The following UGGT2 variants were observed in gnomAD, a reference collection of about 807,000 sequenced individuals.
UGGT2 encodes the protein UDP-glucose:glycoprotein glucosyltransferase 2.
In UGGT2, 180 loss-of-function variants were observed where a neutral mutation model predicts 192.1. The observed-to-expected ratio is 0.94, with a 90% CI of 0.83 to 1.06. The LOEUF (loss-of-function observed/expected upper bound fraction) is 1.06, where lower values mean the gene tolerates loss of function less well. UGGT2 is among the 50% of genes least tolerant of loss of function. The probability of loss-of-function intolerance (pLI) is 0.00; values close to 1 mark genes in which losing one functional copy is unlikely to be tolerated. For missense variants in UGGT2, 1,849 were observed against 1,795.7 expected, an observed-to-expected ratio of 1.03 and a Z score of -0.54; for synonymous variants, 580 against 591.0, an observed-to-expected ratio of 0.98 and a Z score of 0.27.
chr13:95,949,401 G>A lies in UGGT2; in HGVS notation c.1389C>T (p.Cys463=). ...GAAATACTGGCTTCAGAAGTTTCTG[G>A]CAACTTGTAGGCCATGTAATATACA... ...DDLYITWPTS[C]QKLLKPVFPG... Residue 463 remains cysteine (C), a synonymous_variant, in exon 13 of 39, where the codon TGC becomes TGT. Transcript: ENST00000376747. 1.3e-6 allele frequency: 2 copies of A among 1,584,580 alleles called. No individual in the cohort carries two copies. Among genetic ancestry groups the A allele is most frequent in the Middle Eastern group, 2.0e-4 (1 of 5,076 alleles).
Position 95,803,955 on chromosome 13 carries a change from C to G in UGGT2, c.4529-2143G>C, listed in dbSNP as rs559183330. 3.3e-5 allele frequency among the ~76,000 whole-genome samples: 5 copies of G among 152,156 alleles called. No homozygotes were observed. In the South Asian group the frequency reaches 1.0e-3, roughly 32 times the overall value. On this transcript the variant is annotated intron_variant, in intron 38 of 38. Transcript: ENST00000376747. ...AAAGCAATATTCAAAACAGTTCTAA[C>G]TGGTATTTCAGGGGATATTAGAAAA...
At chr13:95,833,504 G>A (rs936653549) in intron 37 of UGGT2, among the ~76,000 whole-genome samples, 1 of 152,096 alleles carries the variant, frequency 6.6e-6, no homozygotes, top group Non-Finnish European at 1.5e-5. Flanking sequence ...TGTGTGTAGG[G>A]TGTGTAGCTT....
Position 95,875,501 on chromosome 13 carries a change from G to A in UGGT2, c.3473+1778C>T, listed in dbSNP as rs142642340. Among the ~76,000 whole-genome samples, 555 of 152,238 alleles carry A rather than the reference G, an allele frequency of 3.6e-3. 1 individual carries two copies. The highest frequency in any genetic ancestry group is 0.017 in the Middle Eastern group (5 of 294). On this transcript the variant is annotated intron_variant, in intron 29 of 38. Transcript: ENST00000376747. The stretch of plus-strand genomic sequence containing the variant: ...TTTCTCAGATCCTGCTGGGATATAC[G>A]TCATAATATATGATATGTGTACTGT...
rs774100708 is a variant in UGGT2 at position 95,854,419 on chromosome 13, A to G, written c.4065T>C (p.Tyr1355=). 3.6e-5 allele frequency: 58 copies of G among 1,613,506 alleles called. No individual in the cohort carries two copies. The highest frequency in any genetic ancestry group is 5.3e-5 in the African/African-American group (4 of 74,906). ...LRDFDLDGAP[Y]GYTPFCDSRR... ...GGCTATCACAAAATGGAGTATACCC[A>G]TAAGGAGCTCCATCCAGATCGAAAT... Residue 1355 remains tyrosine (Y), a synonymous_variant, in exon 35 of 39, where the codon TAT becomes TAC. Coordinates refer to ENST00000376747, the MANE Select transcript of UGGT2 (RefSeq NM_020121.4).
At position 95,860,707 on chromosome 13, in the gene UGGT2, G is replaced by T. The variant is rs1229332580; in HGVS notation, c.3740+81C>A. Reference sequence around the variant, plus strand: ...AGGTGGGAGTTTTTTTTTTCCCAGTGTATATTCCTTTATTTTTTTTTGAAA... The same window carrying T: ...AGGTGGGAGTTTTTTTTTTCCCAGTTTATATTCCTTTATTTTTTTTTGAAA... On this transcript the variant is annotated intron_variant, in intron 32 of 38. Coordinates refer to ENST00000376747, the MANE Select transcript of UGGT2 (RefSeq NM_020121.4). 1.7e-5 allele frequency: 15 copies of T among 869,764 alleles called. No homozygotes were observed. In the African/African-American group the frequency reaches 2.5e-4, roughly 14 times the overall value. The allele number at this position is 869,764 out of a possible 1,614,324, so 53.9% of individuals were successfully genotyped here.
At chr13:95,936,501 G>A (rs553874845) in intron 17 of UGGT2, among the ~76,000 whole-genome samples, 123 of 152,366 alleles carry the variant, frequency 8.1e-4, no homozygotes, top group African/African-American at 2.7e-3. Context: ...GCAGGGCCAG[G>A]CTGAGCAGGC....
chr13:95,903,413 C>T (rs1176265493), intron 20 of UGGT2, among the ~76,000 whole-genome samples: 1 of 152,140 alleles, frequency 6.6e-6, no homozygotes, highest in Non-Finnish European at 1.5e-5. Flanking sequence ...CCAGCAACTC[C>T]AAAAAGATTC....
chr13:95,840,324 A>G (rs952043641), intron 36 of UGGT2, among the ~76,000 whole-genome samples: 1 of 152,200 alleles, frequency 6.6e-6, no homozygotes, highest in African/African-American at 2.4e-5. Context: ...TCCAGAATCT[A>G]CAAGGAACTT....
intron 22 of UGGT2, among the ~76,000 whole-genome samples, chr13:95,899,016 G>A (rs2048027428): frequency 6.6e-6 from 1 of 152,174 alleles, no homozygotes; most frequent in African/African-American, 2.4e-5. Flanking sequence ...GTGGCCTTTG[G>A]GAGATGATTA....
At chr13:95,842,054 T>C (rs894243760) in intron 36 of UGGT2, among the ~76,000 whole-genome samples, 4 of 152,234 alleles carry the variant, frequency 2.6e-5, no homozygotes, top group African/African-American at 9.6e-5. Context: ...TGTGTAACCT[T>C]ATGCCAGTAC....
At position 95,902,950 on chromosome 13, in the gene UGGT2, C is replaced by T. The variant is rs1032179347; in HGVS notation, c.2406G>A (p.Lys802=). ...RGILAAFLTQ[K]NMFLRSFLGQ... Reference sequence around the variant, plus strand: ...CAAGAAAGCTTCTCAAAAACATGTTCTTCTGTGTAAGAAAAGCTGCCAAAA... The same window carrying T: ...CAAGAAAGCTTCTCAAAAACATGTTTTTCTGTGTAAGAAAAGCTGCCAAAA... The change falls in exon 21 of 39, where the codon AAG becomes AAA. Residue 802 remains lysine, a synonymous_variant. Transcript: ENST00000376747. 4 of 1,613,414 alleles carry T rather than the reference C, an allele frequency of 2.5e-6. No individual in the cohort carries two copies. In the African/African-American group the frequency reaches 5.3e-5, roughly 22 times the overall value.
chr13:95,927,823 T>C (rs2049078665), intron 17 of UGGT2, among the ~76,000 whole-genome samples: 1 of 152,320 alleles, frequency 6.6e-6, no homozygotes, highest in Non-Finnish European at 1.5e-5. Flanking sequence ...CCTTCCGCAG[T>C]GTTTGTGTCC....
chr13:95,902,982 T>C lies in UGGT2; in HGVS notation c.2374A>G (p.Arg792Gly). The change falls in exon 21 of 39, where the codon AGA becomes GGA. Residue 792 changes from arginine to glycine, a missense_variant. Arg to Gly is a moderately radical substitution (Grantham distance 125, BLOSUM62 -2). Transcript: ENST00000376747. Reference sequence around the variant, plus strand: ...GTAAGAAAAGCTGCCAAAATTCCTCTAGAAATAGCTGTGTTCTCTTCATTT... The same window carrying C: ...GTAAGAAAAGCTGCCAAAATTCCTCCAGAAATAGCTGTGTTCTCTTCATTT... ...KINEENTAIS[R>G]GILAAFLTQK... 6.2e-7 allele frequency: 1 copy of C among 1,613,490 alleles called. No homozygotes were observed. The highest frequency in any genetic ancestry group is 8.5e-7 in the Non-Finnish European group (1 of 1,179,692).
intron 38 of UGGT2, among the ~76,000 whole-genome samples, chr13:95,826,418 AG>A (rs992852201): frequency 3.3e-5 from 5 of 152,178 alleles, no homozygotes; most frequent in Non-Finnish European, 7.4e-5. Context: ...AGAAAGGAAA[AG>A]GGAAAACCAT....
At chr13:95,919,135 T>C (rs1259863254) in intron 20 of UGGT2, among the ~76,000 whole-genome samples, 2 of 152,108 alleles carry the variant, frequency 1.3e-5, no homozygotes, top group African/African-American at 4.8e-5. Flanking sequence ...ATTATCTCAA[T>C]CAATCAAGAA....
chr13:96,053,385 C>T lies in UGGT2; in HGVS notation c.-73G>A, dbSNP rs2053547347. ...TGTGGCCGCCACGCTTCGGCCGGCT[C>T]TTCCCGCTGCGCGGCTGCCCACTTC... On this transcript the variant is annotated 5_prime_UTR_variant, in exon 1 of 39. Transcript: ENST00000376747. 1 of 1,517,448 alleles carries T rather than the reference C, an allele frequency of 6.6e-7. No homozygotes were observed. Among genetic ancestry groups the T allele is most frequent in the South Asian group, 1.2e-5 (1 of 81,266 alleles). The allele number at this position is 1,517,448 out of a possible 1,614,324, so 94.0% of individuals were successfully genotyped here. A position where few individuals can be genotyped will look rare whatever the true frequency, so the allele number is the denominator to read the frequency against.
intron 16 of UGGT2, 50 bp from the exon 17 acceptor site, chr13:95,937,138 A>C: frequency 6.5e-7 from 1 of 1,528,990 alleles, no homozygotes; most frequent in Non-Finnish European, 8.7e-7. Flanking sequence ...GATTGTTTGA[A>C]TAATAAACAT....
chr13:95,936,875 C>T (rs773519081), intron 17 of UGGT2, 49 bp downstream of exon 17: 1 of 1,393,428 alleles, frequency 7.2e-7, no homozygotes, highest in Non-Finnish European at 9.5e-7. Flanking sequence ...TTAATAAAAA[C>T]ATCATTTATA....
chr13:95,933,011 C>T (rs2049339492), intron 17 of UGGT2, among the ~76,000 whole-genome samples: 1 of 152,120 alleles, frequency 6.6e-6, no homozygotes, highest in South Asian at 2.1e-4. Context: ...ATTTTTCCAT[C>T]TATGTTCATC....
Sources: allele counts gnomAD v4.1 joint callset (sites outside exome capture counted in the v4.1 genomes callset), GRCh38; gene constraint gnomAD v4.1.1; transcripts MANE v1.5; gene names NCBI Gene and HGNC (gene_info 2026-07-23, HGNC 2026-07-21).